Variants in XKR4 observed in about 807,000 individuals in gnomAD.
XKR4 encodes XK related 4, also known as XK-related protein 4.
In XKR4, 12 loss-of-function variants were observed where a neutral mutation model predicts 53.9. That is an observed-to-expected ratio of 0.22 (90% confidence interval 0.14 to 0.36). The LOEUF is 0.36. Ranked by LOEUF, XKR4 falls within the 10% of genes least tolerant of loss-of-function variation. XKR4 has a pLI of 1.00. For synonymous variants in XKR4, 354 were observed against 362.4 expected (o/e 0.98, Z 0.26); for missense variants, 799 against 859.5 (o/e 0.93, Z 0.88).
intron 1 of XKR4, among the ~76,000 whole-genome samples, chr8:55,235,554 A>T (rs1189423789): frequency 1.3e-5 from 2 of 152,200 alleles, no homozygotes; most frequent in African/African-American, 4.8e-5. Context: ...ACACTACATA[A>T]ATATGTTTGT....
At chr8:55,480,643 T>C (rs1361436047) in intron 2 of XKR4, among the ~76,000 whole-genome samples, 3 of 151,852 alleles carry the variant, frequency 2.0e-5, no homozygotes, top group African/African-American at 2.4e-5. Context: ...GATTGTATAT[T>C]TAGAAAACCC....
chr8:55,314,187 T>C (rs966866693), intron 1 of XKR4, among the ~76,000 whole-genome samples: 3 of 152,170 alleles, frequency 2.0e-5, no homozygotes, highest in Admixed American at 1.3e-4. Flanking sequence ...CCAATTATTA[T>C]AGCAATTAAG....
At position 55,509,348 on chromosome 8, in the gene XKR4, A is replaced by G. The variant is rs192287547; in HGVS notation, c.1007-13933A>G. On this transcript the variant is annotated intron_variant, in intron 2 of 2. Coordinates refer to ENST00000327381, the MANE Select transcript of XKR4 (RefSeq NM_052898.2). ...CTTCCAGGAATGCTTCTTAAACTGA[A>G]TTAAATTTCTGTACTTCCTTTTTCA... 3.9e-5 allele frequency among the ~76,000 whole-genome samples: 6 copies of G among 152,328 alleles called. No individual in the cohort carries two copies. The East Asian group carries it at 9.6e-4, about 24-fold the overall frequency.
rs531782255 is a variant in XKR4, at chr8:55,295,151, C to T, written c.807-62527C>T. On this transcript the variant is annotated intron_variant, in intron 1 of 2. Coordinates refer to ENST00000327381, the MANE Select transcript of XKR4 (RefSeq NM_052898.2). Reference sequence around the variant, plus strand: ...GAGGCTAGCTGTAAAGGGAAGGAATCGAGAGGTGATTCTGCCACGAGTTCT... The same window carrying T: ...GAGGCTAGCTGTAAAGGGAAGGAATTGAGAGGTGATTCTGCCACGAGTTCT... Among the ~76,000 whole-genome samples, 5 of 152,282 alleles carry T rather than the reference C, an allele frequency of 3.3e-5. No homozygotes were observed. The South Asian group carries it at 6.2e-4, about 19-fold the overall frequency.
intron 1 of XKR4, among the ~76,000 whole-genome samples, chr8:55,260,659 G>A (rs1471031532): frequency 6.6e-6 from 1 of 152,184 alleles, no homozygotes; most frequent in Non-Finnish European, 1.5e-5. Context: ...ACAGGCTTGA[G>A]GAGGTGGTGT....
intron 1 of XKR4, among the ~76,000 whole-genome samples, chr8:55,166,108 G>A (rs1261567002): frequency 1.3e-5 from 2 of 152,198 alleles, no homozygotes; most frequent in Non-Finnish European, 2.9e-5. Context: ...ACATGCAAAT[G>A]AGGTGGGGGA....
At chr8:55,501,685 C>CATAT (rs35759515) in intron 2 of XKR4, among the ~76,000 whole-genome samples, 3 of 150,640 alleles carry the variant, frequency 2.0e-5, no homozygotes, top group Non-Finnish European at 3.0e-5. Context: ...TAAATACATA[C>CATAT]ATATATATAT....
At chr8:55,113,287 T>A (rs1816258937) in intron 1 of XKR4, among the ~76,000 whole-genome samples, 1 of 152,078 alleles carries the variant, frequency 6.6e-6, no homozygotes, top group South Asian at 2.1e-4. Flanking sequence ...GAAAGTAGCA[T>A]GTTGTCCATA....
At chr8:55,451,423 G>GGCAT in intron 2 of XKR4, 1 of 1,153,892 alleles carries the variant, frequency 8.7e-7, no homozygotes. Context: ...GGAGTAGCGG[G>GGCAT]GCATGGAGCT....
At chr8:55,453,825 T>A in intron 2 of XKR4, 1 of 489,742 alleles carries the variant, frequency 2.0e-6, no homozygotes, top group Admixed American at 2.5e-5. Context: ...TCCACCCACC[T>A]CTGTGCCACA....
chr8:55,386,426 A>G (rs1207863174), intron 2 of XKR4, among the ~76,000 whole-genome samples: 1 of 152,224 alleles, frequency 6.6e-6, no homozygotes, highest in South Asian at 2.1e-4. Flanking sequence ...CCATTTTTAT[A>G]AAAGTCTTAC....
intron 1 of XKR4, among the ~76,000 whole-genome samples, chr8:55,343,318 C>T (rs758941930): frequency 2.6e-5 from 4 of 152,122 alleles, no homozygotes; most frequent in African/African-American, 4.8e-5. Flanking sequence ...GAAAGCTTTT[C>T]GCCCTTTCCT....
intron 2 of XKR4, among the ~76,000 whole-genome samples, chr8:55,483,313 CA>C (rs2129401446): frequency 6.6e-6 from 1 of 152,088 alleles, no homozygotes; most frequent in African/African-American, 2.4e-5. Flanking sequence ...GGTAGCTTTG[CA>C]ACTGTTATTT....
At chr8:55,245,298 G>A (rs1818270287) in intron 1 of XKR4, among the ~76,000 whole-genome samples, 1 of 152,016 alleles carries the variant, frequency 6.6e-6, no homozygotes, top group African/African-American at 2.4e-5. Flanking sequence ...TGGATGCATA[G>A]TTTGCAAAAA....
chr8:55,273,841 T>C (rs1472687558), intron 1 of XKR4, among the ~76,000 whole-genome samples: 1 of 152,184 alleles, frequency 6.6e-6, no homozygotes, highest in Non-Finnish European at 1.5e-5. Flanking sequence ...TCTGCTTAAA[T>C]TACTCTTTCT....
intron 2 of XKR4, among the ~76,000 whole-genome samples, chr8:55,485,356 A>G (rs868340471): frequency 6.6e-6 from 1 of 152,236 alleles, no homozygotes; most frequent in South Asian, 2.1e-4. Context: ...TGAACAAAAA[A>G]TCCCAAGGAA....
At chr8:55,459,727 C>T (rs548783522) in intron 2 of XKR4, among the ~76,000 whole-genome samples, 9 of 152,068 alleles carry the variant, frequency 5.9e-5, no homozygotes, top group East Asian at 1.9e-4. Flanking sequence ...AAATTAAAAG[C>T]GCACACCCAC....
chr8:55,189,567 G>T (rs1220963619), intron 1 of XKR4, among the ~76,000 whole-genome samples: 1 of 152,128 alleles, frequency 6.6e-6, no homozygotes, highest in Admixed American at 6.5e-5. Flanking sequence ...GTAACGCTGT[G>T]GTACTTGAGC....
chr8:55,375,240 A>G (rs1804130292), intron 2 of XKR4, among the ~76,000 whole-genome samples: 1 of 152,238 alleles, frequency 6.6e-6, no homozygotes, highest in Admixed American at 6.5e-5. Flanking sequence ...ACAGAATAAA[A>G]TAAACAATGT....
Sources: allele counts gnomAD v4.1 joint callset (sites outside exome capture counted in the v4.1 genomes callset), GRCh38; gene constraint gnomAD v4.1.1; transcripts MANE v1.5; gene names NCBI Gene and HGNC (gene_info 2026-07-23, HGNC 2026-07-21).